The following AGAP1 variants were observed in gnomAD, a reference collection of about 807,000 sequenced individuals.
AGAP1 encodes the protein ArfGAP with GTPase domain, ankyrin repeat and PH domain 1, also known as arf-GAP with GTPase, ANK repeat and PH domain-containing protein 1.
A neutral mutation model predicts 105.3 loss-of-function variants in AGAP1; 29 were observed. The ratio of observed to expected loss-of-function variants is 0.28; its 90% CI spans 0.21 to 0.38. The LOEUF (loss-of-function observed/expected upper bound fraction) is 0.38, where lower values mean the gene tolerates loss of function less well. Ranked by LOEUF, AGAP1 falls within the 10% of genes least tolerant of loss-of-function variation. The probability of loss-of-function intolerance (pLI) is 1.00; values close to 1 mark genes in which losing one functional copy is unlikely to be tolerated. For missense variants in AGAP1, 998 were observed against 1,165.1 expected (o/e 0.86, Z 2.09); for synonymous variants, 509 against 485.9 (o/e 1.05, Z -0.63).
At chr2:235,533,170 G>A (rs1006047116) in intron 1 of AGAP1, among the ~76,000 whole-genome samples, 7 of 152,114 alleles carry the variant, frequency 4.6e-5, no homozygotes, top group African/African-American at 1.7e-4. Context: ...TTTGTTTTAA[G>A]AAAACATCTT....
At chr2:235,717,535 C>T (rs751800430) in intron 2 of AGAP1, 22 bp from the exon 3 acceptor site, 4 of 1,578,988 alleles carry the variant, frequency 2.5e-6, no homozygotes, top group Non-Finnish European at 3.4e-6. Flanking sequence ...TGATGCTTAA[C>T]GGTTGTCCGT....
At position 235,517,525 on chromosome 2, in the gene AGAP1, C is replaced by A. The variant is rs1033757647; in HGVS notation, c.163+22676C>A. 5.3e-5 allele frequency among the ~76,000 whole-genome samples: 8 copies of A among 152,102 alleles called. No individual in the cohort carries two copies. Among genetic ancestry groups the A allele is most frequent in the African/African-American group, 1.9e-4 (8 of 41,404 alleles). ...ACTAATTTTTACTGGAAAGAAGTAG[C>A]AGCCATGAGGCAGGAGATCCTCTTT... On this transcript the variant is annotated intron_variant, in intron 1 of 17. Transcript: ENST00000304032. The surrounding 1 kb of genome is among the most constrained non-coding windows in gnomAD (Gnocchi z 4.1).
intron 6 of AGAP1, among the ~76,000 whole-genome samples, chr2:235,773,378 C>G (rs764239041): frequency 3.3e-5 from 5 of 152,114 alleles, no homozygotes; most frequent in Non-Finnish European, 5.9e-5. Context: ...TGGAAAGCAA[C>G]CAATCAAAGG....
In AGAP1 at chr2:236,056,076, G is replaced by C. The variant is rs1032965841; in HGVS notation, c.2114+6795G>C. ...CTAGTGAACCTCCACCAGGGAGCTT[G>C]GTGGGAATCCAGGCAAGCTCTCCAT... On this transcript the variant is annotated intron_variant, in intron 16 of 17. Transcript: ENST00000304032. The surrounding 1 kb of genome is among the most constrained non-coding windows in gnomAD (Gnocchi z 4.6). 6.6e-6 allele frequency among the ~76,000 whole-genome samples: 1 copy of C among 152,190 alleles called. No homozygotes were observed. Among genetic ancestry groups the C allele is most frequent in the Non-Finnish European group, 1.5e-5 (1 of 68,042 alleles).
Position 235,744,086 on chromosome 2 carries a change from TTTC to T in AGAP1, c.397-608_397-606del, listed in dbSNP as rs539769776. On this transcript the variant is annotated intron_variant, in intron 4 of 17. Coordinates refer to ENST00000304032, the MANE Select transcript of AGAP1 (RefSeq NM_001037131.3). The surrounding 1 kb of genome is among the most constrained non-coding windows in gnomAD (Gnocchi z 5.2). ...GGCGAGAGTGAGGCTATTGTGAAGTTTTCTTCCCTAAGTTTTGTTAATTTCCCT... is the reference window on the plus strand; with the variant it reads ...GGCGAGAGTGAGGCTATTGTGAAGTTTTCCCTAAGTTTTGTTAATTTCCCT... Among the ~76,000 whole-genome samples the T allele has an allele frequency of 2.1e-3, 316 of 152,308 alleles. 2 individuals carry two copies. In the South Asian group the frequency reaches 0.03, roughly 15 times the overall value.
In AGAP1 at chr2:235,690,617, G is replaced by A. The variant is rs968615566; in HGVS notation, c.164-18562G>A. 1.3e-5 allele frequency among the ~76,000 whole-genome samples: 2 copies of A among 152,122 alleles called. No homozygotes were observed. Among genetic ancestry groups the A allele is most frequent in the Admixed American group, 6.5e-5 (1 of 15,282 alleles). ...CTAAAGCTGAGAGCTACAGCAGAGC[G>A]TCTGCTTGAGGAGCTCTGACGGGCT... On this transcript the variant is annotated intron_variant, in intron 1 of 17. Coordinates refer to ENST00000304032, the MANE Select transcript of AGAP1 (RefSeq NM_001037131.3). This position sits in a 1 kb window ranked among gnomAD's most constrained non-coding sequence, Gnocchi z 4.1.
intron 13 of AGAP1, among the ~76,000 whole-genome samples, chr2:236,034,526 G>C (rs2057321359): frequency 1.3e-5 from 2 of 152,090 alleles, no homozygotes; most frequent in African/African-American, 4.8e-5. Context: ...TGAGCAACCA[G>C]ACCCTCCCAT....
At chr2:235,794,283 G>T (rs928699740) in intron 6 of AGAP1, among the ~76,000 whole-genome samples, 1 of 152,120 alleles carries the variant, frequency 6.6e-6, no homozygotes, top group African/African-American at 2.4e-5. Context: ...AAAGAACACT[G>T]AGCATTACTC....
intron 3 of AGAP1, among the ~76,000 whole-genome samples, chr2:235,722,103 A>G (rs1181440452): frequency 1.3e-5 from 2 of 152,236 alleles, no homozygotes; most frequent in Non-Finnish European, 2.9e-5. Context: ...CATGAAAGCC[A>G]TCAAAGAGTA....
intron 11 of AGAP1, among the ~76,000 whole-genome samples, chr2:235,926,219 A>G (rs151003836): frequency 6.6e-6 from 1 of 152,376 alleles, no homozygotes; most frequent in African/African-American, 2.4e-5. Flanking sequence ...AATGCATGAG[A>G]AAGTATGACA....
At chr2:235,699,534 C>T (rs1452284267) in intron 1 of AGAP1, among the ~76,000 whole-genome samples, 1 of 152,142 alleles carries the variant, frequency 6.6e-6, no homozygotes, top group Non-Finnish European at 1.5e-5. Context: ...TTTGTAAAAC[C>T]CCTGGAGCAT....
intron 12 of AGAP1, among the ~76,000 whole-genome samples, chr2:235,937,697 G>A (rs1026117021): frequency 9.8e-5 from 15 of 152,352 alleles, no homozygotes; most frequent in Non-Finnish European, 2.1e-4. Flanking sequence ...CTCGCAGCCA[G>A]GGGTGATTTT....
Position 235,891,888 on chromosome 2 carries a change from T to A in AGAP1, c.1155+8439T>A, listed in dbSNP as rs1458069098. ...CCTCCTTCTGGCCAGGTGTGGTGGC[T>A]CACACCTGTAATCCCAGCACTTTGG... On this transcript the variant is annotated intron_variant, in intron 10 of 17. Coordinates refer to ENST00000304032, the MANE Select transcript of AGAP1 (RefSeq NM_001037131.3). This position sits in a 1 kb window ranked among gnomAD's most constrained non-coding sequence, Gnocchi z 4.2. Among the ~76,000 whole-genome samples, 2 of 152,138 alleles carry A rather than the reference T, an allele frequency of 1.3e-5. No individual in the cohort carries two copies. The highest frequency in any genetic ancestry group is 2.9e-5 in the Non-Finnish European group (2 of 68,028).
intron 12 of AGAP1, among the ~76,000 whole-genome samples, chr2:235,954,613 G>A (rs961078754): frequency 2.7e-5 from 4 of 150,406 alleles, no homozygotes; most frequent in Admixed American, 6.7e-5. Flanking sequence ...GGGGGCCCTC[G>A]ACAGCCATGT....
intron 1 of AGAP1, among the ~76,000 whole-genome samples, chr2:235,607,340 G>T (rs1244484966): frequency 1.3e-5 from 2 of 152,212 alleles, no homozygotes; most frequent in Non-Finnish European, 2.9e-5. Flanking sequence ...CAATGTACTT[G>T]GATCAAACTT....
At chr2:235,916,046 A>C (rs2051864280) in intron 11 of AGAP1, among the ~76,000 whole-genome samples, 1 of 152,228 alleles carries the variant, frequency 6.6e-6, no homozygotes, top group African/African-American at 2.4e-5. Context: ...CTAGAAGCCT[A>C]TGCAAAGACG....
intron 1 of AGAP1, among the ~76,000 whole-genome samples, chr2:235,641,397 T>G (rs1229923688): frequency 1.3e-5 from 2 of 151,360 alleles, no homozygotes; most frequent in East Asian, 3.9e-4. Flanking sequence ...GGGTAATTTG[T>G]GATTTAAAAA....
In AGAP1 at chr2:235,976,184, A is replaced by G. The variant is rs937549544; in HGVS notation, c.1645+7561A>G. On this transcript the variant is annotated intron_variant, in intron 13 of 17. Transcript: ENST00000304032. The surrounding 1 kb of genome is among the most constrained non-coding windows in gnomAD (Gnocchi z 4.5). ...GTGATGGGAGCCACCATGCATCCCG[A>G]CGGACTTGCCTCCTCCCCACAAACT... Among the ~76,000 whole-genome samples, 2 of 152,158 alleles carry G rather than the reference A, an allele frequency of 1.3e-5. No homozygotes were observed. Among genetic ancestry groups the G allele is most frequent in the African/African-American group, 4.8e-5 (2 of 41,428 alleles).
intron 10 of AGAP1, among the ~76,000 whole-genome samples, chr2:235,890,645 A>G (rs771076200): frequency 4.9e-4 from 74 of 152,104 alleles, no homozygotes; most frequent in Non-Finnish European, 8.8e-4. Flanking sequence ...CAGATCACAC[A>G]GAGGTGCCCT....
Sources: gnomAD v4.1 joint callset for allele counts (sites outside exome capture counted in the v4.1 genomes callset) on GRCh38, gnomAD v4.1.1 for gene constraint, Gnocchi (gnomAD v3.1) non-coding constraint, MANE v1.5 for transcripts, NCBI Gene and HGNC (gene_info 2026-07-23, HGNC 2026-07-21) for gene names.